The following GRK3 variants were observed in gnomAD, a reference collection of about 807,000 sequenced individuals.
GRK3 encodes adrenergic, beta, receptor kinase 2.
GRK3 carries 54 observed loss-of-function variants against 95.7 expected under a neutral mutation model. The ratio of observed to expected loss-of-function variants is 0.56; its 90% CI spans 0.45 to 0.71. The LOEUF is 0.71. Ranked by LOEUF, GRK3 falls within the 30% of genes least tolerant of loss-of-function variation. GRK3 has a pLI of 0.00. For missense variants in GRK3, 649 were observed against 851.2 expected (o/e 0.76, Z 2.96); for synonymous variants, 281 against 290.8 (o/e 0.97, Z 0.34).
At chr22:25,642,398 A>T (rs1386704586) in intron 2 of GRK3, among the ~76,000 whole-genome samples, 1 of 152,152 alleles carries the variant, frequency 6.6e-6, no homozygotes, top group Non-Finnish European at 1.5e-5. Context: ...GCGCCATTGC[A>T]CTCCAGCCTG....
chr22:25,594,313 A>G (rs1416674653), intron 1 of GRK3, among the ~76,000 whole-genome samples: 1 of 152,128 alleles, frequency 6.6e-6, no homozygotes, highest in African/African-American at 2.4e-5. Flanking sequence ...ACTGGTAGAA[A>G]AAAGTCAAGG....
intron 2 of GRK3, among the ~76,000 whole-genome samples, chr22:25,616,776 C>G (rs888505416): frequency 6.6e-6 from 1 of 152,154 alleles, no homozygotes; most frequent in Non-Finnish European, 1.5e-5. Context: ...GCTGGGGACA[C>G]TTGTCCTCAG....
intron 2 of GRK3, among the ~76,000 whole-genome samples, chr22:25,621,543 A>G (rs562135708): frequency 6.6e-6 from 1 of 152,352 alleles, no homozygotes; most frequent in Admixed American, 6.5e-5. Context: ...CAAATATATG[A>G]TAACCTTTGG....
intron 1 of GRK3, among the ~76,000 whole-genome samples, chr22:25,578,359 G>A (rs576144173): frequency 4.6e-5 from 7 of 152,224 alleles, no homozygotes; most frequent in Admixed American, 6.5e-5. Flanking sequence ...CCAGAAGAAG[G>A]GGTTTCCACT....
chr22:25,590,128 G>A (rs1932443738), intron 1 of GRK3, among the ~76,000 whole-genome samples: 1 of 151,986 alleles, frequency 6.6e-6, no homozygotes, highest in African/African-American at 2.4e-5. Flanking sequence ...ATTTCCCTTA[G>A]ATTATTTTGA....
At chr22:25,712,862 A>C (rs2085354970) in intron 17 of GRK3, among the ~76,000 whole-genome samples, 1 of 152,248 alleles carries the variant, frequency 6.6e-6, no homozygotes, top group African/African-American at 2.4e-5. Flanking sequence ...CCTGTCTGGT[A>C]GGGATTCAGC....
chr22:25,727,394 G>A lies in GRK3; in HGVS notation c.*4944G>A, dbSNP rs930493553. The A allele has an allele frequency of 2.6e-5, 4 of 151,856 alleles. No homozygotes were observed. Among genetic ancestry groups the A allele is most frequent in the African/African-American group, 9.7e-5 (4 of 41,322 alleles). 9.4% of individuals were successfully genotyped at this position (151,856 alleles called of 1,614,324 possible). ...TCACAATGAACTTTATATTTTCTTT[G>A]TCCTTAAGGACTAAGATAGTTGTTT... On this transcript the variant is annotated 3_prime_UTR_variant, in exon 21 of 21. Coordinates refer to ENST00000324198, the MANE Select transcript of GRK3 (RefSeq NM_005160.4).
chr22:25,581,809 A>G (rs946353603), intron 1 of GRK3, among the ~76,000 whole-genome samples: 26 of 138,238 alleles, frequency 1.9e-4, no homozygotes, highest in Non-Finnish European at 3.9e-4. Flanking sequence ...AATTTAGCAG[A>G]AAAAAAAAAA....
intron 2 of GRK3, among the ~76,000 whole-genome samples, chr22:25,610,428 C>T (rs531311308): frequency 1.3e-5 from 2 of 152,178 alleles, no homozygotes; most frequent in East Asian, 1.9e-4. Flanking sequence ...GATCGCATCA[C>T]GGCTGTCCAG....
chr22:25,662,519 G>A (rs1221214054), intron 4 of GRK3, among the ~76,000 whole-genome samples: 2 of 152,194 alleles, frequency 1.3e-5, no homozygotes, highest in African/African-American at 4.8e-5. Context: ...CATGGTATTG[G>A]TGTATTTTGG....
At chr22:25,692,562 C>T (rs1290849000) in intron 12 of GRK3, among the ~76,000 whole-genome samples, 2 of 152,242 alleles carry the variant, frequency 1.3e-5, no homozygotes, top group African/African-American at 4.8e-5. Flanking sequence ...ACTGTGTCCC[C>T]TAAGTGACCA....
intron 12 of GRK3, among the ~76,000 whole-genome samples, chr22:25,690,524 G>T (rs1344254586): frequency 6.6e-6 from 1 of 152,186 alleles, no homozygotes; most frequent in Non-Finnish European, 1.5e-5. Context: ...CTCAGAAACA[G>T]TCAGGACCTC....
intron 1 of GRK3, among the ~76,000 whole-genome samples, chr22:25,568,097 G>A (rs1198269198): frequency 1.3e-5 from 2 of 152,230 alleles, no homozygotes; most frequent in Admixed American, 6.5e-5. Context: ...GGCCTACTGG[G>A]AGTAGTAAAC....
intron 1 of GRK3, among the ~76,000 whole-genome samples, chr22:25,585,136 C>T (rs1477562249): frequency 1.3e-5 from 2 of 152,290 alleles, no homozygotes; most frequent in East Asian, 1.9e-4. Context: ...CTCTGCCTGC[C>T]TCGCTATAGG....
Position 25,690,203 on chromosome 22 carries a change from C to T in GRK3, c.972C>T (p.Leu324=), listed in dbSNP as rs1201718197. The change falls in exon 12 of 21, where the codon CTC becomes CTT. Residue 324 remains leucine, a synonymous_variant. Coordinates refer to ENST00000324198, the MANE Select transcript of GRK3 (RefSeq NM_005160.4). The part of the protein sequence containing the change: ...VYRDLKPANI[L]LDEHGHARIS... ...TTTCTGTTTAGCCAGCAAATATTCT[C>T]TTGGATGAACATGGACACGCAAGAA... The T allele has an allele frequency of 1.2e-6, 2 of 1,613,858 alleles. No homozygotes were observed. Among genetic ancestry groups the T allele is most frequent in the Non-Finnish European group, 1.7e-6 (2 of 1,179,824 alleles).
Position 25,718,395 on chromosome 22 carries a change from A to G in GRK3, c.1791+14A>G. 6.2e-7 allele frequency: 1 copy of G among 1,612,958 alleles called. No individual in the cohort carries two copies. Among genetic ancestry groups the G allele is most frequent in the Non-Finnish European group, 8.5e-7 (1 of 1,179,366 alleles). ...GGAGAGTCCCGGGTAAGTCTAAGGC[A>G]GCCTCACCGAGCATGTTTCCCAGTA... is the stretch of plus-strand genomic sequence containing the variant. On this transcript the variant is annotated intron_variant, in intron 19 of 20. Coordinates refer to ENST00000324198, the MANE Select transcript of GRK3 (RefSeq NM_005160.4).
At chr22:25,700,153 C>T (rs1402019651) in intron 13 of GRK3, among the ~76,000 whole-genome samples, 1 of 152,224 alleles carries the variant, frequency 6.6e-6, no homozygotes, top group Non-Finnish European at 1.5e-5. Context: ...GATGTCAAGG[C>T]TTCAGAAGGT....
chr22:25,585,495 G>A lies in GRK3; in HGVS notation c.114-18882G>A, dbSNP rs115944181. Among the ~76,000 whole-genome samples the A allele has an allele frequency of 6.5e-3, 980 of 151,842 alleles. 17 individuals carry two copies. The highest frequency in any genetic ancestry group is 0.023 in the African/African-American group (935 of 41,138). ...TCAACTGACCTCATATATATGTCAT[G>A]TGAGATAATTATACACATACACACA... On this transcript the variant is annotated intron_variant, in intron 1 of 20. Coordinates refer to ENST00000324198, the MANE Select transcript of GRK3 (RefSeq NM_005160.4).
chr22:25,582,620 TA>T (rs1216298845), intron 1 of GRK3, among the ~76,000 whole-genome samples: 1 of 152,218 alleles, frequency 6.6e-6, no homozygotes, highest in African/African-American at 2.4e-5. Context: ...TGCTCTAATA[TA>T]AAACATTCCT....
Sources: allele counts gnomAD v4.1 joint callset (sites outside exome capture counted in the v4.1 genomes callset), GRCh38; gene constraint gnomAD v4.1.1; transcripts MANE v1.5; gene names NCBI Gene and HGNC (gene_info 2026-07-23, HGNC 2026-07-21).